GPC5: variants seen among roughly 807,000 people sequenced by gnomAD.
GPC5 encodes glypican-5.
A neutral mutation model predicts 53.9 loss-of-function variants in GPC5; 47 were observed. That is an observed-to-expected ratio of 0.87 (90% CI 0.69 to 1.11). GPC5 has a LOEUF of 1.11. Among genes scored for constraint, GPC5 ranks in the 50% most tolerant of loss-of-function variants. The pLI is 0.00. For missense variants in GPC5, 748 were observed against 713.1 expected (o/e 1.05, Z -0.56); for synonymous variants, 286 against 263.3 (o/e 1.09, Z -0.84).
chr13:92,050,020 T>C (rs1486839086), intron 6 of GPC5, among the ~76,000 whole-genome samples: 3 of 152,166 alleles, frequency 2.0e-5, no homozygotes, highest in East Asian at 1.9e-4. Context: ...TCCTGGATCA[T>C]GGAAAATGAT....
chr13:92,366,840 C>T (rs1020593517), intron 7 of GPC5, among the ~76,000 whole-genome samples: 1 of 152,162 alleles, frequency 6.6e-6, no homozygotes, highest in African/African-American at 2.4e-5. Context: ...ATTAACACTT[C>T]AAGACTAGTG....
chr13:91,427,024 G>A (rs965157079), intron 1 of GPC5, among the ~76,000 whole-genome samples: 18 of 152,232 alleles, frequency 1.2e-4, no homozygotes, highest in African/African-American at 1.7e-4. Flanking sequence ...AAGTCAGTGG[G>A]AACCTTGGCC....
At chr13:92,115,953 T>A (rs1251858259) in intron 6 of GPC5, among the ~76,000 whole-genome samples, 1 of 152,052 alleles carries the variant, frequency 6.6e-6, no homozygotes, top group Non-Finnish European at 1.5e-5. Flanking sequence ...CTTGTGTTCT[T>A]ACAAGAAGAG....
intron 6 of GPC5, among the ~76,000 whole-genome samples, chr13:92,123,395 C>A (rs1454246079): frequency 6.6e-6 from 1 of 152,048 alleles, no homozygotes; most frequent in Admixed American, 6.6e-5. Flanking sequence ...TATCAACTTA[C>A]TAGAATTTTG....
chr13:91,524,398 AATTTC>A (rs1885987413), intron 2 of GPC5, among the ~76,000 whole-genome samples: 1 of 152,114 alleles, frequency 6.6e-6, no homozygotes, highest in Admixed American at 6.6e-5. Flanking sequence ...AAGATATCAA[AATTTC>A]ATTTCAACTA....
intron 2 of GPC5, among the ~76,000 whole-genome samples, chr13:91,483,660 T>TA (rs1167113423): frequency 6.6e-6 from 1 of 152,068 alleles, no homozygotes; most frequent in Non-Finnish European, 1.5e-5. Context: ...AATTTGGATT[T>TA]AAAAAAATAT....
At chr13:91,876,972 C>T (rs999541630) in intron 5 of GPC5, among the ~76,000 whole-genome samples, 2 of 152,136 alleles carry the variant, frequency 1.3e-5, no homozygotes, top group African/African-American at 2.4e-5. Context: ...TGAAAGGAGC[C>T]GATGTACAGT....
chr13:92,760,773 T>C (rs1875133536), intron 7 of GPC5, among the ~76,000 whole-genome samples: 1 of 152,154 alleles, frequency 6.6e-6, no homozygotes, highest in African/African-American at 2.4e-5. Context: ...ATTGCTCTTC[T>C]TAATATATTT....
At chr13:91,748,247 T>A (rs2037095064) in intron 4 of GPC5, among the ~76,000 whole-genome samples, 2 of 152,336 alleles carry the variant, frequency 1.3e-5, no homozygotes, top group South Asian at 4.1e-4. Flanking sequence ...TACATATTAA[T>A]TTTAACATTA....
intron 6 of GPC5, among the ~76,000 whole-genome samples, chr13:92,008,679 G>A (rs2040633027): frequency 6.6e-6 from 1 of 152,082 alleles, no homozygotes; most frequent in African/African-American, 2.4e-5. Context: ...TTGTCTCCGT[G>A]TTGTGTTTGC....
intron 5 of GPC5, among the ~76,000 whole-genome samples, chr13:91,884,615 G>T (rs2039303165): frequency 6.6e-6 from 1 of 152,200 alleles, no homozygotes; most frequent in Admixed American, 6.5e-5. Flanking sequence ...GATCTGAATT[G>T]TATTTCTGAG....
At chr13:92,395,907 G>GTT (rs71123404) in intron 7 of GPC5, among the ~76,000 whole-genome samples, 12 of 130,658 alleles carry the variant, frequency 9.2e-5, no homozygotes, top group African/African-American at 2.2e-4. Flanking sequence ...GTTTGTTTCT[G>GTT]TTTTTTTTTT....
chr13:92,517,724 T>TG (rs1271770924), intron 7 of GPC5, among the ~76,000 whole-genome samples: 1 of 151,826 alleles, frequency 6.6e-6, no homozygotes, highest in South Asian at 2.1e-4. Flanking sequence ...ACCACAAAGA[T>TG]GGGGAAAAAA....
At chr13:92,708,000 G>A (rs1888008313) in intron 7 of GPC5, among the ~76,000 whole-genome samples, 1 of 152,072 alleles carries the variant, frequency 6.6e-6, no homozygotes, top group Non-Finnish European at 1.5e-5. Context: ...AATTAGTTAT[G>A]GAAGTTTGTG....
At chr13:92,422,866 A>C (rs1876641390) in intron 7 of GPC5, among the ~76,000 whole-genome samples, 1 of 152,270 alleles carries the variant, frequency 6.6e-6, no homozygotes, top group South Asian at 2.1e-4. Flanking sequence ...CATCAAAGCT[A>C]GTTAGCTGGG....
At chr13:91,974,380 A>G (rs1385963699) in intron 6 of GPC5, among the ~76,000 whole-genome samples, 4 of 152,152 alleles carry the variant, frequency 2.6e-5, no homozygotes, top group Non-Finnish European at 5.9e-5. Flanking sequence ...CCATTGTCTC[A>G]GCTCAAAATC....
chr13:91,826,563 A>G (rs543394998), intron 5 of GPC5, among the ~76,000 whole-genome samples: 1 of 152,090 alleles, frequency 6.6e-6, no homozygotes, highest in Non-Finnish European at 1.5e-5. Context: ...ATATGGACAT[A>G]TGGAAGACAG....
chr13:91,558,124 A>G (rs937735942), intron 2 of GPC5, among the ~76,000 whole-genome samples: 7 of 152,142 alleles, frequency 4.6e-5, no homozygotes, highest in African/African-American at 1.7e-4. Context: ...TGGAATTGAC[A>G]GTTTCTACTG....
chr13:92,438,022 C>T (rs1033966596), intron 7 of GPC5, among the ~76,000 whole-genome samples: 20 of 151,998 alleles, frequency 1.3e-4, no homozygotes, highest in African/African-American at 4.8e-4. Context: ...ATTTAACAAT[C>T]ACAGACATGA....
Sources: allele counts gnomAD v4.1 joint callset (sites outside exome capture counted in the v4.1 genomes callset), GRCh38; gene constraint gnomAD v4.1.1; transcripts MANE v1.5; gene names NCBI Gene and HGNC (gene_info 2026-07-23, HGNC 2026-07-21).